KDM6A: variants seen among roughly 807,000 people sequenced by gnomAD.
The protein encoded by KDM6A is lysine demethylase 6A, also known as lysine-specific demethylase 6A.
KDM6A carries 11 observed loss-of-function variants against 117.6 expected under a neutral mutation model. That is an observed-to-expected ratio of 0.09 (90% CI 0.06 to 0.15). KDM6A has a LOEUF of 0.15. Among genes scored for constraint, KDM6A ranks in the 10% least tolerant of loss-of-function variants. KDM6A has a pLI of 1.00. For synonymous variants in KDM6A, 384 were observed against 396.1 expected, an observed-to-expected ratio of 0.97 and a Z score of 0.36; for missense variants, 799 against 1,077.3, an observed-to-expected ratio of 0.74 and a Z score of 3.62.
chrX:45,044,944 TATA>T (rs2043460467), intron 8 of KDM6A, among the ~76,000 whole-genome samples: 2 of 111,932 alleles, frequency 1.8e-5, no homozygotes, highest in African/African-American at 6.5e-5. Flanking sequence ...AGATAAGTGC[TATA>T]ATACTTATCT....
chrX:44,942,376 C>T (rs2037384477), intron 2 of KDM6A, among the ~76,000 whole-genome samples: 1 of 110,064 alleles, frequency 9.1e-6, no homozygotes, highest in African/African-American at 3.3e-5. Flanking sequence ...TGTCAAGAAC[C>T]AGTTGGCTAT....
intron 5 of KDM6A, among the ~76,000 whole-genome samples, chrX:45,018,265 A>C (rs150068924): frequency 1.8e-5 from 2 of 111,540 alleles, no homozygotes; most frequent in Admixed American, 1.9e-4. Context: ...GATTGGGTCT[A>C]TAAGGTTTTC....
At chrX:44,905,135 T>G (rs2034570685) in intron 2 of KDM6A, among the ~76,000 whole-genome samples, 1 of 111,976 alleles carries the variant, frequency 8.9e-6, no homozygotes, top group Non-Finnish European at 1.9e-5. Context: ...ATGTTGAAAA[T>G]TTTGGTTCTC....
rs112641296 is a variant in KDM6A at position 45,048,030 on chromosome X, C to T, written c.655-3679C>T. On this transcript the variant is annotated intron_variant, in intron 8 of 29. Coordinates refer to ENST00000611820, the MANE Select transcript of KDM6A (RefSeq NM_001291415.2). ...ACAAAAGATTAGCCAAGTGTGATGG[C>T]GTGCCTGTAATCCTAGCTGTTCGGG... 3.0e-3 allele frequency among the ~76,000 whole-genome samples: 325 copies of T among 107,383 alleles called. 2 individuals carry two copies. The highest frequency in any genetic ancestry group is 0.01 in the African/African-American group (308 of 29,533). 93.2% of individuals were successfully genotyped at this position (107,383 alleles called of 115,157 possible). A position where few individuals can be genotyped will look rare whatever the true frequency, so the allele number is the denominator to read the frequency against.
intron 5 of KDM6A, among the ~76,000 whole-genome samples, chrX:45,018,095 C>G (rs780353168): frequency 1.4e-4 from 16 of 111,176 alleles, no homozygotes; most frequent in Non-Finnish European, 2.8e-4. Flanking sequence ...TACTGCTCAC[C>G]CATCTTAAGT....
chrX:45,010,885 C>T (rs904366313), intron 4 of KDM6A, 76 bp from the exon 5 acceptor site: 9 of 743,639 alleles, frequency 1.2e-5, no homozygotes, highest in African/African-American at 6.3e-5. Flanking sequence ...TCTTGGATAC[C>T]GTATTTTACA....
chrX:44,881,360 G>A (rs1402978423), intron 2 of KDM6A, among the ~76,000 whole-genome samples: 1 of 111,671 alleles, frequency 9.0e-6, no homozygotes, highest in African/African-American at 3.3e-5. Context: ...TTGAACCCAG[G>A]AGATGGAGAT....
At chrX:45,044,443 A>T (rs2043436546) in intron 8 of KDM6A, among the ~76,000 whole-genome samples, 1 of 111,650 alleles carries the variant, frequency 9.0e-6, no homozygotes, top group Non-Finnish European at 1.9e-5. Flanking sequence ...TTTTGAATAG[A>T]TAATCCAAAA....
At chrX:44,967,732 A>G (rs1317586353) in intron 3 of KDM6A, among the ~76,000 whole-genome samples, 1 of 112,419 alleles carries the variant, frequency 8.9e-6, no homozygotes, top group Non-Finnish European at 1.9e-5. Context: ...TCTGTCTTAC[A>G]AGAATTCCAA....
chrX:44,946,475 A>T (rs921167356), intron 2 of KDM6A, among the ~76,000 whole-genome samples: 2 of 111,637 alleles, frequency 1.8e-5, no homozygotes, highest in African/African-American at 6.5e-5. Flanking sequence ...CTTTGTCACT[A>T]CATGTGTTGA....
intron 2 of KDM6A, among the ~76,000 whole-genome samples, chrX:44,921,212 A>G (rs1379824883): frequency 8.9e-6 from 1 of 111,790 alleles, no homozygotes; most frequent in East Asian, 2.8e-4. Context: ...TTTATTTTGA[A>G]ATAGTTGTAG....
chrX:45,066,579 AAC>A (rs2044544906), intron 17 of KDM6A, among the ~76,000 whole-genome samples: 1 of 111,886 alleles, frequency 8.9e-6, no homozygotes, highest in African/African-American at 3.3e-5. Context: ...TTAAAAGGAT[AAC>A]ACGAGATTTT....
chrX:45,060,791 C>T (rs1291328092), intron 14 of KDM6A, 27 bp downstream of exon 14: 2 of 994,116 alleles, frequency 2.0e-6, no homozygotes, highest in African/African-American at 3.9e-5. Context: ...AATAGAAAAT[C>T]CCAGTCAAAA....
chrX:44,883,541 T>G (rs1249236648), intron 2 of KDM6A, among the ~76,000 whole-genome samples: 1 of 110,152 alleles, frequency 9.1e-6, no homozygotes, highest in Non-Finnish European at 1.9e-5. Flanking sequence ...CCTAGCTAAT[T>G]TTTTTGATTT....
intron 6 of KDM6A, among the ~76,000 whole-genome samples, chrX:45,033,211 AT>A (rs2042672880): frequency 8.9e-6 from 1 of 112,096 alleles, no homozygotes; most frequent in African/African-American, 3.2e-5. Flanking sequence ...AAAGCAATTG[AT>A]TATAAAGCAT....
In KDM6A at chrX:45,007,831, T is replaced by C. The variant is rs562292017; in HGVS notation, c.385-3130T>C. Among the ~76,000 whole-genome samples the C allele has an allele frequency of 1.5e-4, 17 of 112,296 alleles. No homozygotes were observed. The East Asian group carries it at 3.9e-3, about 26-fold the overall frequency. On this transcript the variant is annotated intron_variant, in intron 4 of 29. Transcript: ENST00000611820. The stretch of plus-strand genomic sequence containing the variant: ...CTATGTCTGCTAGTTAGTACCTGTT[T>C]CCTTGAGTAAATTGCTTATTCTCTG...
chrX:44,904,370 G>T (rs753821412), intron 2 of KDM6A, among the ~76,000 whole-genome samples: 4 of 111,741 alleles, frequency 3.6e-5, no homozygotes, highest in Non-Finnish European at 7.5e-5. Flanking sequence ...TTTTCTGGGC[G>T]TGCACACAGC....
Position 44,992,556 on chromosome X carries a change from C to CT in KDM6A, c.384+17853dup, listed in dbSNP as rs1322557806. On this transcript the variant is annotated intron_variant, in intron 4 of 29. Coordinates refer to ENST00000611820, the MANE Select transcript of KDM6A (RefSeq NM_001291415.2). ...TGCTTTTTATTCCTTCAAAGATGCACTTTTTTTTTTTTGAGATGGAATCTC... is the reference window on the plus strand; with the variant it reads ...TGCTTTTTATTCCTTCAAAGATGCACTTTTTTTTTTTTTGAGATGGAATCTC... Among the ~76,000 whole-genome samples the CT allele has an allele frequency of 4.0e-3, 391 of 98,051 alleles. 2 individuals are homozygous for CT. The East Asian group carries it at 0.046, about 11-fold the overall frequency. 85.1% of individuals were successfully genotyped at this position (98,051 alleles called of 115,157 possible). A position where few individuals can be genotyped will look rare whatever the true frequency, so the allele number is the denominator to read the frequency against.
chrX:44,973,333 C>G (rs1241970932), intron 3 of KDM6A, among the ~76,000 whole-genome samples: 1 of 111,404 alleles, frequency 9.0e-6, no homozygotes, highest in Non-Finnish European at 1.9e-5. Context: ...CCTCTTGTCT[C>G]TGTTGTGTCT....
Sources: gnomAD v4.1 joint callset for allele counts (sites outside exome capture counted in the v4.1 genomes callset) on GRCh38, gnomAD v4.1.1 for gene constraint, MANE v1.5 for transcripts, NCBI Gene and HGNC (gene_info 2026-07-23, HGNC 2026-07-21) for gene names.